Variants in CAPZB observed in about 807,000 individuals in gnomAD.
The protein encoded by CAPZB is F-actin-capping protein subunit beta.
A neutral mutation model predicts 38.1 loss-of-function variants in CAPZB; 2 were observed. The observed-to-expected ratio is 0.05, with a 90% CI of 0.02 to 0.17. The LOEUF is 0.17. Ranked by LOEUF, CAPZB falls within the 10% of genes least tolerant of loss-of-function variation. The pLI is 1.00. For synonymous variants in CAPZB, 107 were observed against 127.4 expected (o/e 0.84, Z 1.08); for missense variants, 161 against 334.2 (o/e 0.48, Z 4.04).
At chr1:19,468,795 G>A (rs531838943) in intron 1 of CAPZB, among the ~76,000 whole-genome samples, 6 of 152,070 alleles carry the variant, frequency 3.9e-5, no homozygotes, top group East Asian at 1.9e-4. Context: ...GGCACACGCC[G>A]TCTCTCTGCC....
At chr1:19,431,244 G>A (rs1212337179) in intron 1 of CAPZB, among the ~76,000 whole-genome samples, 2 of 152,200 alleles carry the variant, frequency 1.3e-5, no homozygotes, top group South Asian at 2.1e-4. Context: ...AGGCTCCAAC[G>A]AGCATATCAG....
chr1:19,412,973 C>T (rs1422465843), intron 2 of CAPZB, among the ~76,000 whole-genome samples: 2 of 152,188 alleles, frequency 1.3e-5, no homozygotes, highest in Non-Finnish European at 2.9e-5. Context: ...CTCCATAGAG[C>T]GAGGCTTTTC....
intron 1 of CAPZB, among the ~76,000 whole-genome samples, chr1:19,443,478 C>A (rs1426514522): frequency 6.6e-6 from 1 of 152,160 alleles, no homozygotes; most frequent in Non-Finnish European, 1.5e-5. Flanking sequence ...CACGGCAGCA[C>A]CACTGGACTT....
intron 4 of CAPZB, among the ~76,000 whole-genome samples, chr1:19,363,158 T>C (rs985819628): frequency 1.3e-5 from 2 of 151,728 alleles, no homozygotes; most frequent in African/African-American, 2.4e-5. Flanking sequence ...CACCGCTCAC[T>C]GCAGCCTCGA....
chr1:19,478,099 C>A (rs142875087), intron 1 of CAPZB, among the ~76,000 whole-genome samples: 2 of 152,346 alleles, frequency 1.3e-5, no homozygotes, highest in East Asian at 3.9e-4. Flanking sequence ...GTGGTAACAA[C>A]TGCTTCCAAG....
At chr1:19,449,115 T>C (rs371166705) in intron 1 of CAPZB, 99 of 1,414,290 alleles carry the variant, frequency 7.0e-5, no homozygotes, top group South Asian at 3.2e-4. Context: ...AGCAGTTCCA[T>C]TGCCACAAAA....
chr1:19,358,907 A>T (rs774004642), intron 4 of CAPZB, among the ~76,000 whole-genome samples: 18 of 152,216 alleles, frequency 1.2e-4, no homozygotes, highest in Non-Finnish European at 2.4e-4. Context: ...TGGGAGTCAG[A>T]CAGACCCAAT....
At position 19,347,831 on chromosome 1, in the gene CAPZB, C is replaced by T. The variant is rs1051904238; in HGVS notation, c.589-2579G>A. Reference sequence around the variant, plus strand: ...AACCCTGTTTTAAACCCAAGGAAACCGAAGCTTAAAGAAGCAAGAATCATA... The same window carrying T: ...AACCCTGTTTTAAACCCAAGGAAACTGAAGCTTAAAGAAGCAAGAATCATA... On this transcript the variant is annotated intron_variant, in intron 6 of 8. Transcript: ENST00000264202. Among the ~76,000 whole-genome samples, 7 of 152,128 alleles carry T rather than the reference C, an allele frequency of 4.6e-5. No homozygotes were observed. In the East Asian group the frequency reaches 7.7e-4, roughly 17 times the overall value.
At chr1:19,390,839 C>A (rs1341290359) in intron 2 of CAPZB, among the ~76,000 whole-genome samples, 1 of 152,196 alleles carries the variant, frequency 6.6e-6, no homozygotes, top group Non-Finnish European at 1.5e-5. Flanking sequence ...ATAGCCCTGC[C>A]CTGCGTGGCA....
In CAPZB at chr1:19,446,016, G is replaced by A. The variant is rs144521363; in HGVS notation, c.4-26266C>T. ...GAACAGAGGAAGCTGGAGGCCTCTCGGCATCACCTGGACAAACAGCCCTCG... is the reference window on the plus strand; with the variant it reads ...GAACAGAGGAAGCTGGAGGCCTCTCAGCATCACCTGGACAAACAGCCCTCG... On this transcript the variant is annotated intron_variant, in intron 1 of 8. Transcript: ENST00000264202. Among the ~76,000 whole-genome samples the A allele has an allele frequency of 1.5e-3, 233 of 152,254 alleles. 1 individual carries two copies. The Middle Eastern group carries it at 0.021, about 13-fold the overall frequency.
Position 19,357,410 on chromosome 1 carries a change from G to A in CAPZB, c.471+12C>T, listed in dbSNP as rs367806096. ...TTAGTGGCCCGGGCCACCAGCTGCT[G>A]GGAGGCAGTACCTGCACTTCTACCA... On this transcript the variant is annotated intron_variant, in intron 5 of 8. Transcript: ENST00000264202. The surrounding 1 kb of genome is among the most constrained non-coding windows in gnomAD (Gnocchi z 4.3). 1.5e-4 allele frequency: 234 copies of A among 1,613,230 alleles called. No homozygotes were observed. The African/African-American group carries it at 3.0e-3, about 20-fold the overall frequency.
At chr1:19,417,391 A>G (rs948318401) in intron 2 of CAPZB, among the ~76,000 whole-genome samples, 1 of 152,218 alleles carries the variant, frequency 6.6e-6, no homozygotes, top group African/African-American at 2.4e-5. Flanking sequence ...TGCTGAGTTT[A>G]GAGGAAAAAC....
At chr1:19,458,005 T>C (rs1054219690) in intron 1 of CAPZB, among the ~76,000 whole-genome samples, 4 of 150,422 alleles carry the variant, frequency 2.7e-5, no homozygotes, top group African/African-American at 9.8e-5. Flanking sequence ...TCTTAGGTCA[T>C]AATAATTTTT....
chr1:19,392,179 TCTCAAGGTAAAAAAAAAAAA>T (rs58836867), intron 2 of CAPZB, among the ~76,000 whole-genome samples: 96,794 of 148,644 alleles, frequency 0.65, 31,248 homozygotes, highest in African/African-American at 0.72. Context: ...AGAGACTCTG[TCTCAAGGTAAAAAAAAAAAA>T]AAAAAAAGAG....
chr1:19,347,389 G>A (rs778504263), intron 6 of CAPZB, among the ~76,000 whole-genome samples: 1 of 152,066 alleles, frequency 6.6e-6, no homozygotes, highest in Non-Finnish European at 1.5e-5. Context: ...CATCCTTCTG[G>A]CAAGTTCCCA....
At chr1:19,412,291 G>A (rs2094360673) in intron 2 of CAPZB, among the ~76,000 whole-genome samples, 1 of 152,172 alleles carries the variant, frequency 6.6e-6, no homozygotes, top group Non-Finnish European at 1.5e-5. Context: ...CGGCTCAGAG[G>A]AGAAAACTTC....
chr1:19,342,696 C>T (rs953383939), intron 8 of CAPZB: 12 of 1,083,532 alleles, frequency 1.1e-5, no homozygotes, highest in African/African-American at 3.1e-5. Context: ...AGGGTCTCGG[C>T]GGGTTGGTGA....
chr1:19,359,313 G>T (rs182754204), intron 4 of CAPZB, among the ~76,000 whole-genome samples: 1 of 146,638 alleles, frequency 6.8e-6, no homozygotes, highest in Non-Finnish European at 1.5e-5. Context: ...GGAGTGTAAT[G>T]TAACTAAGAG....
intron 2 of CAPZB, among the ~76,000 whole-genome samples, chr1:19,403,295 C>A (rs938373289): frequency 6.6e-6 from 1 of 152,202 alleles, no homozygotes; most frequent in Non-Finnish European, 1.5e-5. Flanking sequence ...CCTCCAAGAG[C>A]CAAAGCTCCT....
Sources: allele counts gnomAD v4.1 joint callset (sites outside exome capture counted in the v4.1 genomes callset), GRCh38; gene constraint gnomAD v4.1.1; non-coding constraint Gnocchi (gnomAD v3.1); transcripts MANE v1.5; gene names NCBI Gene and HGNC (gene_info 2026-07-23, HGNC 2026-07-21).